DISC1: variants seen among roughly 807,000 people sequenced by gnomAD.
DISC1 encodes disrupted in schizophrenia 1 protein.
A neutral mutation model predicts 84.5 loss-of-function variants in DISC1; 57 were observed. The ratio of observed to expected loss-of-function variants is 0.67; its 90% CI spans 0.55 to 0.84. DISC1 has a LOEUF of 0.84. Ranked by LOEUF, DISC1 falls within the 40% of genes least tolerant of loss-of-function variation. The pLI is 0.00. For synonymous variants in DISC1, 411 were observed against 415.2 expected (o/e 0.99, Z 0.12); for missense variants, 1,000 against 1,057.8 (o/e 0.95, Z 0.76).
intron 9 of DISC1, among the ~76,000 whole-genome samples, chr1:231,922,590 G>A (rs963207149): frequency 6.6e-6 from 1 of 152,088 alleles, no homozygotes. Context: ...CTGCCTGTGG[G>A]GTGGTGCTTC....
intron 9 of DISC1, chr1:231,866,564 C>A: frequency 9.3e-7 from 1 of 1,074,830 alleles, no homozygotes; most frequent in Non-Finnish European, 1.5e-6. Flanking sequence ...ACAGAGAAGT[C>A]AGCAACTTGC....
chr1:231,952,208 T>A (rs1658555266), intron 9 of DISC1, among the ~76,000 whole-genome samples: 1 of 152,136 alleles, frequency 6.6e-6, no homozygotes, highest in Non-Finnish European at 1.5e-5. Context: ...TGTTACCACT[T>A]ATTAAATCAG....
intron 10 of DISC1, among the ~76,000 whole-genome samples, chr1:231,995,796 A>T (rs1165966669): frequency 4.0e-5 from 6 of 151,438 alleles, no homozygotes; most frequent in African/African-American, 1.5e-4. Context: ...TGCCGCAATA[A>T]ACATACGTGT....
At chr1:232,029,990 A>G (rs1669849194) in intron 12 of DISC1, among the ~76,000 whole-genome samples, 1 of 152,240 alleles carries the variant, frequency 6.6e-6, no homozygotes, top group Non-Finnish European at 1.5e-5. Context: ...TCGTCCTGAC[A>G]GGCTCACCAA....
intron 9 of DISC1, among the ~76,000 whole-genome samples, chr1:231,854,282 A>G (rs1430121526): frequency 1.3e-5 from 2 of 152,178 alleles, no homozygotes; most frequent in Non-Finnish European, 2.9e-5. Context: ...ATCCTATTCT[A>G]GTCATTCTGA....
At chr1:231,677,239 C>T (rs955728039) in intron 1 of DISC1, among the ~76,000 whole-genome samples, 3 of 152,122 alleles carry the variant, frequency 2.0e-5, no homozygotes, top group African/African-American at 4.8e-5. Flanking sequence ...CTGCATTTTA[C>T]TGTCTTAGGA....
At chr1:231,881,015 T>C (rs954131229) in intron 9 of DISC1, among the ~76,000 whole-genome samples, 2 of 152,200 alleles carry the variant, frequency 1.3e-5, no homozygotes, top group African/African-American at 4.8e-5. Flanking sequence ...GAGCCCAGGC[T>C]GGCCTCATGA....
In DISC1 at chr1:231,802,046, C is replaced by T. The variant is rs150861821; in HGVS notation, c.1792+1836C>T. Reference sequence around the variant, plus strand: ...TGTTAGCCAGGATGGTCTCAATCTCCTGACCTTGTGATCTGCCCTGAATGG... The same window carrying T: ...TGTTAGCCAGGATGGTCTCAATCTCTTGACCTTGTGATCTGCCCTGAATGG... On this transcript the variant is annotated intron_variant, in intron 8 of 12. Transcript: ENST00000439617. Among the ~76,000 whole-genome samples the T allele has an allele frequency of 5.7e-3, 863 of 152,122 alleles. 7 individuals carry two copies. The highest frequency in any genetic ancestry group is 0.02 in the African/African-American group (843 of 41,498).
chr1:231,807,318 T>TCTCTGATGCCTGGCTG (rs1279963952), intron 8 of DISC1, among the ~76,000 whole-genome samples: 3 of 152,240 alleles, frequency 2.0e-5, no homozygotes, highest in Non-Finnish European at 1.5e-5. Context: ...CAAGGCTGGC[T>TCTCTGATGCCTGGCTG]CTCTGATGCC....
intron 9 of DISC1, among the ~76,000 whole-genome samples, chr1:231,913,052 C>T (rs1009637501): frequency 2.0e-4 from 31 of 152,162 alleles, no homozygotes; most frequent in Middle Eastern, 6.8e-3. Context: ...GGACCACAGG[C>T]ACACACCACT....
rs200256860 is a variant in DISC1 at position 231,672,548 on chromosome 1, GTT to G, written c.68-21276_68-21275del. Among the ~76,000 whole-genome samples, 51 of 152,278 alleles carry G rather than the reference GTT, an allele frequency of 3.3e-4. 1 individual carries two copies. The East Asian group carries it at 9.7e-3, about 29-fold the overall frequency. Reference sequence around the variant, plus strand: ...CTTGTCCTGCTCCATTTGTTTGTGTGTTTGTTTGAAGCACACCTTTGTGCTGT... The same window carrying G: ...CTTGTCCTGCTCCATTTGTTTGTGTGTGTTTGAAGCACACCTTTGTGCTGT... On this transcript the variant is annotated intron_variant, in intron 1 of 12. Transcript: ENST00000439617.
At chr1:231,916,295 G>A (rs2089614082) in intron 9 of DISC1, among the ~76,000 whole-genome samples, 1 of 152,152 alleles carries the variant, frequency 6.6e-6, no homozygotes, top group African/African-American at 2.4e-5. Context: ...GTGACCTACA[G>A]AAGCACATTG....
At chr1:231,846,752 T>G (rs926956460) in intron 9 of DISC1, among the ~76,000 whole-genome samples, 1 of 152,218 alleles carries the variant, frequency 6.6e-6, no homozygotes, top group African/African-American at 2.4e-5. Context: ...GTTTTGTTGT[T>G]TTATGTTTCT....
chr1:231,951,427 G>A (rs1297216160), intron 9 of DISC1, among the ~76,000 whole-genome samples: 1 of 152,174 alleles, frequency 6.6e-6, no homozygotes, highest in Non-Finnish European at 1.5e-5. Context: ...TGAAATGCCT[G>A]CTATTCTAAA....
intron 9 of DISC1, among the ~76,000 whole-genome samples, chr1:231,875,368 G>A (rs1260945621): frequency 3.3e-5 from 5 of 152,160 alleles, no homozygotes; most frequent in Non-Finnish European, 1.5e-5. Context: ...AAGGCCACTT[G>A]TCAGCCGAGT....
intron 9 of DISC1, among the ~76,000 whole-genome samples, chr1:231,835,924 TA>T (rs1234593759): frequency 1.3e-5 from 2 of 152,224 alleles, no homozygotes; most frequent in African/African-American, 4.8e-5. Flanking sequence ...TCTTTCTGAG[TA>T]AAAACATTCT....
In DISC1 at chr1:231,770,815, T is replaced by C. The variant is rs755035957; in HGVS notation, c.1399-20T>C. 4 of 1,611,344 alleles carry C rather than the reference T, an allele frequency of 2.5e-6. No individual in the cohort carries two copies. Among genetic ancestry groups the C allele is most frequent in the Non-Finnish European group, 3.4e-6 (4 of 1,178,598 alleles). On this transcript the variant is annotated intron_variant, in intron 5 of 12. Coordinates refer to ENST00000439617, the MANE Select transcript of DISC1 (RefSeq NM_018662.3). ...TGAGCAGGGTTAATTTATAAAATCT[T>C]GTCTCCTCATTCTCTACAGAAAGAA... is the stretch of plus-strand genomic sequence containing the variant.
chr1:231,676,219 G>A (rs908827780), intron 1 of DISC1, among the ~76,000 whole-genome samples: 2 of 152,200 alleles, frequency 1.3e-5, no homozygotes, highest in African/African-American at 4.8e-5. Flanking sequence ...ACATAACAGT[G>A]GTATATTAGT....
intron 11 of DISC1, among the ~76,000 whole-genome samples, chr1:232,025,877 C>G (rs1212830601): frequency 1.3e-5 from 2 of 152,148 alleles, no homozygotes; most frequent in African/African-American, 2.4e-5. Context: ...TCATCCTGCT[C>G]TTATGCGGCT....
Sources: allele counts gnomAD v4.1 joint callset (sites outside exome capture counted in the v4.1 genomes callset), GRCh38; gene constraint gnomAD v4.1.1; transcripts MANE v1.5; gene names NCBI Gene and HGNC (gene_info 2026-07-23, HGNC 2026-07-21).